BCAR3: variants seen among roughly 807,000 people sequenced by gnomAD.
BCAR3 encodes breast cancer anti-estrogen resistance protein 3.
In BCAR3, 37 loss-of-function variants were observed where a neutral mutation model predicts 80.1. The observed-to-expected ratio is 0.46, with a 90% CI of 0.36 to 0.61. The LOEUF (loss-of-function observed/expected upper bound fraction) is 0.61, where lower values mean the gene tolerates loss of function less well. BCAR3 is among the 20% of genes least tolerant of loss of function. The pLI is 0.00. For missense variants in BCAR3, 978 were observed against 1,068.2 expected (o/e 0.92, Z 1.18); for synonymous variants, 389 against 418.9 (o/e 0.93, Z 0.87).
chr1:93,635,749 A>C (rs1323899379), intron 3 of BCAR3, among the ~76,000 whole-genome samples: 1 of 152,248 alleles, frequency 6.6e-6, no homozygotes, highest in East Asian at 1.9e-4. Context: ...AGAGCCAGCC[A>C]ATCGGCCCAT....
intron 2 of BCAR3, among the ~76,000 whole-genome samples, chr1:93,660,246 G>T (rs1031795650): frequency 1.3e-5 from 2 of 152,162 alleles, no homozygotes; most frequent in Admixed American, 6.5e-5. Flanking sequence ...GCCAGCGACC[G>T]AACTGTGATG....
At chr1:93,593,799 T>A (rs1674311331) in intron 3 of BCAR3, among the ~76,000 whole-genome samples, 1 of 152,202 alleles carries the variant, frequency 6.6e-6, no homozygotes, top group African/African-American at 2.4e-5. Context: ...CTCTAGTGCT[T>A]CTTTGCACAT....
intron 3 of BCAR3, among the ~76,000 whole-genome samples, chr1:93,633,016 C>T (rs1675675904): frequency 6.6e-6 from 1 of 151,340 alleles, no homozygotes; most frequent in African/African-American, 2.4e-5. Flanking sequence ...CGAAACTCCA[C>T]ATAAAAAAAA....
intron 3 of BCAR3, among the ~76,000 whole-genome samples, chr1:93,625,838 C>CATAGAAGGAG (rs1675441148): frequency 6.6e-5 from 10 of 152,266 alleles, no homozygotes; most frequent in Admixed American, 3.3e-4. Context: ...ATAGAAGGAG[C>CATAGAAGGAG]CAAGGCTGCA....
At chr1:93,574,109 A>AACTGAATGGTT (rs1673343480) in intron 8 of BCAR3, among the ~76,000 whole-genome samples, 1 of 152,176 alleles carries the variant, frequency 6.6e-6, no homozygotes, top group South Asian at 2.1e-4. Flanking sequence ...ATAAATGGTT[A>AACTGAATGGTT]ACTGAATGGT....
At chr1:93,636,498 C>T (rs979587657) in intron 3 of BCAR3, among the ~76,000 whole-genome samples, 8 of 151,634 alleles carry the variant, frequency 5.3e-5, no homozygotes, top group African/African-American at 1.7e-4. Context: ...GGCGGGCAAG[C>T]GTGCTGTTTA....
intron 3 of BCAR3, among the ~76,000 whole-genome samples, chr1:93,694,117 C>T (rs771033554): frequency 6.6e-5 from 10 of 152,316 alleles, no homozygotes; most frequent in African/African-American, 1.2e-4. Flanking sequence ...CTAAAGCCCA[C>T]GTCATTCCCT....
chr1:93,589,889 A>C (rs918171488), intron 4 of BCAR3, among the ~76,000 whole-genome samples: 1 of 152,228 alleles, frequency 6.6e-6, no homozygotes, highest in African/African-American at 2.4e-5. Flanking sequence ...TGAATGATGT[A>C]ATGAAACAGG....
chr1:93,819,537 T>C (rs114404570), intron 2 of BCAR3, among the ~76,000 whole-genome samples: 1,970 of 152,336 alleles, frequency 0.013, 36 homozygotes, highest in African/African-American at 0.045. Flanking sequence ...AGCTCTCTTC[T>C]GGATCTTTTA....
intron 7 of BCAR3, among the ~76,000 whole-genome samples, chr1:93,579,196 C>T (rs999370807): frequency 2.6e-5 from 4 of 152,276 alleles, no homozygotes; most frequent in African/African-American, 9.6e-5. Context: ...GGAACAAGCA[C>T]GCGGGGCCCA....
chr1:93,664,037 A>G (rs946656649), intron 2 of BCAR3, among the ~76,000 whole-genome samples: 1 of 152,162 alleles, frequency 6.6e-6, no homozygotes, highest in Non-Finnish European at 1.5e-5. Context: ...ACAAGAACAC[A>G]TTTCCCTCCC....
intron 2 of BCAR3, among the ~76,000 whole-genome samples, chr1:93,777,328 C>A (rs1013602197): frequency 6.6e-6 from 1 of 151,592 alleles, no homozygotes; most frequent in Non-Finnish European, 1.5e-5. Context: ...TAAGAGCTTG[C>A]AAATAATATT....
chr1:93,768,857 T>C (rs12409459), intron 2 of BCAR3, among the ~76,000 whole-genome samples: 17,793 of 152,198 alleles, frequency 0.12, 1,461 homozygotes, highest in African/African-American at 0.22. Flanking sequence ...ATCCCTCTTC[T>C]GGTCCCCAGC....
chr1:93,812,609 T>C (rs910142802), intron 2 of BCAR3, among the ~76,000 whole-genome samples: 6 of 152,188 alleles, frequency 3.9e-5, no homozygotes, highest in Admixed American at 3.9e-4. Context: ...CCAGTTTAAG[T>C]GGCATTTCAT....
chr1:93,688,434 ATCT>A (rs1294409317), intron 3 of BCAR3, among the ~76,000 whole-genome samples: 1 of 151,740 alleles, frequency 6.6e-6, no homozygotes, highest in Non-Finnish European at 1.5e-5. Flanking sequence ...TTCACTAATT[ATCT>A]TCTTAATTCA....
At position 93,658,828 on chromosome 1, in the gene BCAR3, A is replaced by G. The variant is rs554850507; in HGVS notation, c.317+15786T>C. 2.5e-4 allele frequency among the ~76,000 whole-genome samples: 38 copies of G among 152,322 alleles called. No individual in the cohort carries two copies. In the South Asian group the frequency reaches 2.7e-3, roughly 11 times the overall value. On this transcript the variant is annotated intron_variant, in intron 2 of 11. Transcript: ENST00000260502. ...CTCATTCCTAGAACACTTAATTACA[A>G]TGTAACACAACAAGATTTAAGATGA...
intron 3 of BCAR3, among the ~76,000 whole-genome samples, chr1:93,625,295 C>T (rs1002654892): frequency 2.0e-5 from 3 of 152,136 alleles, no homozygotes; most frequent in South Asian, 4.1e-4. Context: ...TGCAGTAATT[C>T]CCAACTCACA....
At chr1:93,625,111 T>C (rs192919726) in intron 3 of BCAR3, among the ~76,000 whole-genome samples, 53 of 152,270 alleles carry the variant, frequency 3.5e-4, no homozygotes, top group Non-Finnish European at 5.7e-4. Context: ...CTCGGGAGGC[T>C]GAGGCAGGAG....
chr1:93,649,685 A>C (rs983404729), intron 2 of BCAR3, among the ~76,000 whole-genome samples: 2 of 152,146 alleles, frequency 1.3e-5, no homozygotes, highest in Non-Finnish European at 2.9e-5. Context: ...TTACAGTCAC[A>C]AATCTGACTA....
Sources: gnomAD v4.1 joint callset for allele counts (sites outside exome capture counted in the v4.1 genomes callset) on GRCh38, gnomAD v4.1.1 for gene constraint, MANE v1.5 for transcripts, NCBI Gene and HGNC (gene_info 2026-07-23, HGNC 2026-07-21) for gene names.